ATP6V1G1: variants seen among roughly 807,000 people sequenced by gnomAD.
ATP6V1G1 encodes the protein V-type proton ATPase subunit G 1.
A neutral mutation model predicts 14.2 loss-of-function variants in ATP6V1G1; 14 were observed. The ratio of observed to expected loss-of-function variants is 0.99; its 90% CI spans 0.65 to 1.55. The LOEUF (loss-of-function observed/expected upper bound fraction) is 1.55, where lower values mean the gene tolerates loss of function less well. Ranked by LOEUF, ATP6V1G1 falls within the 40% of genes most tolerant of loss-of-function variation. ATP6V1G1 has a pLI of 0.00. For synonymous variants in ATP6V1G1, 65 were observed against 53.3 expected, an observed-to-expected ratio of 1.22 and a Z score of -0.96; for missense variants, 137 against 146.4, an observed-to-expected ratio of 0.94 and a Z score of 0.33.
chr9:114,594,318 C>A (rs1463856275), intron 2 of ATP6V1G1, among the ~76,000 whole-genome samples: 1 of 151,638 alleles, frequency 6.6e-6, no homozygotes, highest in Non-Finnish European at 1.5e-5. Context: ...ATCTGCCTGC[C>A]CCGGCCTCCC....
At chr9:114,591,037 G>GCCGGC in intron 1 of ATP6V1G1, among the ~76,000 whole-genome samples, 1 of 151,738 alleles carries the variant, frequency 6.6e-6, no homozygotes, top group African/African-American at 2.4e-5. Context: ...CTTGTGATCT[G>GCCGGC]CTCACCTTGG....
intron 1 of ATP6V1G1, among the ~76,000 whole-genome samples, chr9:114,589,995 T>A (rs1845166551): frequency 6.6e-6 from 1 of 151,802 alleles, no homozygotes; most frequent in Non-Finnish European, 1.5e-5. Context: ...ATCAAGAGTT[T>A]GAGACCAGCC....
chr9:114,592,892 C>A (rs1845196767), intron 2 of ATP6V1G1, among the ~76,000 whole-genome samples: 1 of 152,176 alleles, frequency 6.6e-6, no homozygotes, highest in African/African-American at 2.4e-5. Flanking sequence ...TTAACATGCG[C>A]CAGGTACTGT....
intron 2 of ATP6V1G1, among the ~76,000 whole-genome samples, chr9:114,596,087 T>C (rs1845234636): frequency 6.6e-6 from 1 of 151,992 alleles, no homozygotes; most frequent in South Asian, 2.1e-4. Flanking sequence ...GTGAAATTGC[T>C]AAGAGAAACT....
At position 114,587,933 on chromosome 9, in the gene ATP6V1G1, GT is replaced by G. The variant is rs1845140112; in HGVS notation, c.82+14del. ...GAGGCCCGCAAAAGTGAGTTTCAGG[GT>G]GGGGCTGCCCGGCGTGGCGCGAGTC... On this transcript the variant is annotated intron_variant, in intron 1 of 2. Coordinates refer to ENST00000374050, the MANE Select transcript of ATP6V1G1 (RefSeq NM_004888.4). The G allele has an allele frequency of 1.9e-6, 3 of 1,564,232 alleles. No homozygotes were observed. In the East Asian group the frequency reaches 7.1e-5, roughly 37 times the overall value.
At chr9:114,595,976 C>T (rs1017709058) in intron 2 of ATP6V1G1, among the ~76,000 whole-genome samples, 9 of 151,894 alleles carry the variant, frequency 5.9e-5, no homozygotes, top group African/African-American at 1.9e-4. Context: ...TCTTCCAGAA[C>T]GTTATAGGTT....
Position 114,587,790 on chromosome 9 carries a change from C to T in ATP6V1G1, c.-49C>T, listed in dbSNP as rs767091117. On this transcript the variant is annotated 5_prime_UTR_variant, in exon 1 of 3. Transcript: ENST00000374050. Reference sequence around the variant, plus strand: ...GGCTGTGTCAGCTGACCCAAGGGGCCTTCGAGGTGCCTTAGGCCGCTTGCC... The same window carrying T: ...GGCTGTGTCAGCTGACCCAAGGGGCTTTCGAGGTGCCTTAGGCCGCTTGCC... 35 of 1,546,910 alleles carry T rather than the reference C, an allele frequency of 2.3e-5. No individual in the cohort carries two copies. In the Admixed American group the frequency reaches 2.8e-4, roughly 12 times the overall value.
chr9:114,589,400 A>G (rs1177224282), intron 1 of ATP6V1G1, among the ~76,000 whole-genome samples: 2 of 152,228 alleles, frequency 1.3e-5, no homozygotes, highest in South Asian at 2.1e-4. Context: ...GAAGCAACAT[A>G]GTTGGGACTC....
intron 2 of ATP6V1G1, among the ~76,000 whole-genome samples, chr9:114,594,379 CT>C (rs770844786): frequency 0.016 from 2,194 of 140,686 alleles, 17 homozygotes; most frequent in Admixed American, 0.026. Context: ...CCCCCCGCCC[CT>C]TTTTTTTTTT....
chr9:114,589,883 T>A (rs1259856595), intron 1 of ATP6V1G1, among the ~76,000 whole-genome samples: 5 of 152,146 alleles, frequency 3.3e-5, no homozygotes, highest in Non-Finnish European at 7.4e-5. Context: ...ATATGTCAGG[T>A]AGCTGTGAAT....
chr9:114,596,245 G>A (rs533118161), intron 2 of ATP6V1G1, among the ~76,000 whole-genome samples: 4 of 152,008 alleles, frequency 2.6e-5, no homozygotes, highest in Admixed American at 6.6e-5. Flanking sequence ...AAAATTAGCC[G>A]GGCGTGGTGG....
intron 1 of ATP6V1G1, among the ~76,000 whole-genome samples, chr9:114,592,247 G>A (rs1358550936): frequency 6.6e-6 from 1 of 152,182 alleles, no homozygotes; most frequent in Non-Finnish European, 1.5e-5. Context: ...CTCATTTTAT[G>A]TTGGTTCTTA....
intron 2 of ATP6V1G1, among the ~76,000 whole-genome samples, chr9:114,596,043 C>T (rs1196015897): frequency 1.3e-5 from 2 of 152,002 alleles, no homozygotes; most frequent in Non-Finnish European, 2.9e-5. Context: ...TTGTGAAGAT[C>T]ATAGAAAGTA....
Position 114,597,727 on chromosome 9 carries a change from A to G in ATP6V1G1, c.341A>G (p.Tyr114Cys). The G allele has an allele frequency of 1.3e-6, 2 of 1,587,590 alleles. No individual in the cohort carries two copies. Among genetic ancestry groups the G allele is most frequent in the East Asian group, 2.3e-5 (1 of 43,270 alleles). Reference protein sequence around the residue: ...CDIRPEIHENYRING With the variant: ...CDIRPEIHENCRING ...ATTCGGCCAGAAATCCATGAAAACT[A>G]CCGCATAAATGGATAGAAGAGAGAA... Residue 114 changes from tyrosine to cysteine, a missense_variant, in exon 3 of 3, where the codon TAC becomes TGC. By Grantham distance (194) the Tyr-to-Cys change is radical (BLOSUM62 -2). Transcript: ENST00000374050.
At chr9:114,594,993 G>A (rs1228335738) in intron 2 of ATP6V1G1, among the ~76,000 whole-genome samples, 1 of 150,484 alleles carries the variant, frequency 6.6e-6, no homozygotes, top group African/African-American at 2.4e-5. Flanking sequence ...CCAAGTAGCT[G>A]GGATTACAGG....
At position 114,587,852 on chromosome 9, in the gene ATP6V1G1, C is replaced by T. The variant is rs1312520005; in HGVS notation, c.14C>T (p.Ser5Phe). The T allele has an allele frequency of 2.5e-6, 4 of 1,593,404 alleles. No individual in the cohort carries two copies. The highest frequency in any genetic ancestry group is 2.6e-6 in the Non-Finnish European group (3 of 1,170,448). MASQ[S>F]QGIQQLLQAE... ...ATCGCTGCCGCCATGGCTAGTCAGT[C>T]TCAGGGGATTCAGCAGCTGCTGCAG... is the stretch of plus-strand genomic sequence containing the variant. Residue 5 changes from serine to phenylalanine, a missense_variant, in exon 1 of 3, where the codon TCT becomes TTT. Physicochemically the swap from Ser to Phe is radical, Grantham distance 155. Transcript: ENST00000374050.
chr9:114,591,089 C>T (rs60546393), intron 1 of ATP6V1G1, among the ~76,000 whole-genome samples: 6,406 of 152,256 alleles, frequency 0.042, 495 homozygotes, highest in East Asian at 0.38. Flanking sequence ...CCAGCGCGCC[C>T]GGCGTGGACC....
In ATP6V1G1 at chr9:114,592,651, C is replaced by T. The variant is rs867712129; in HGVS notation, c.182C>T (p.Ala61Val). ...REKEFKAKEA[A>V]ALGSRGSCST... ...AAAGAATTCAAGGCCAAGGAAGCTGCGGTGGGGCACCATTTGTTTTTGTTA... is the reference window on the plus strand; with the variant it reads ...AAAGAATTCAAGGCCAAGGAAGCTGTGGTGGGGCACCATTTGTTTTTGTTA... Residue 61 changes from alanine to valine, a missense_variant and splice_region_variant, in exon 2 of 3, where the codon GCG becomes GTG. Ala to Val is a moderately conservative substitution (Grantham distance 64). Transcript: ENST00000374050. 5 of 1,570,256 alleles carry T rather than the reference C, an allele frequency of 3.2e-6. No homozygotes were observed. The highest frequency in any genetic ancestry group is 1.4e-5 in the African/African-American group (1 of 73,956).
Position 114,592,424 on chromosome 9 carries a change from T to C in ATP6V1G1, c.83-128T>C, listed in dbSNP as rs151190698. The C allele has an allele frequency of 3.7e-4, 339 of 905,918 alleles. 1 individual carries two copies. The highest frequency in any genetic ancestry group is 5.2e-4 in the Non-Finnish European group (317 of 614,056). The allele number at this position is 905,918 out of a possible 1,614,324, so 56.1% of individuals were successfully genotyped here. A position where few individuals can be genotyped will look rare whatever the true frequency, so the allele number is the denominator to read the frequency against. ...GTTTGTTAGCTCTGAATTCCCTCTT[T>C]CCCATGCACATCTCTTCGGACTGTG... On this transcript the variant is annotated intron_variant, in intron 1 of 2. Coordinates refer to ENST00000374050, the MANE Select transcript of ATP6V1G1 (RefSeq NM_004888.4).
Sources: allele counts gnomAD v4.1 joint callset (sites outside exome capture counted in the v4.1 genomes callset), GRCh38; gene constraint gnomAD v4.1.1; transcripts MANE v1.5; gene names NCBI Gene and HGNC (gene_info 2026-07-23, HGNC 2026-07-21).